ATP10B: variants seen among roughly 807,000 people sequenced by gnomAD.
ATP10B encodes ATPase phospholipid transporting 10B (putative), also known as phospholipid-transporting ATPase VB.
Under a neutral mutation model 141.2 loss-of-function variants are expected in ATP10B, and 122 were observed. The observed-to-expected ratio is 0.86, with a 90% CI of 0.75 to 1.00. The LOEUF (loss-of-function observed/expected upper bound fraction) is 1.00, where lower values mean the gene tolerates loss of function less well. ATP10B is among the 50% of genes least tolerant of loss of function. The probability of loss-of-function intolerance (pLI) is 0.00; values close to 1 mark genes in which losing one functional copy is unlikely to be tolerated. For missense variants in ATP10B, 1,876 were observed against 1,825.3 expected, an observed-to-expected ratio of 1.03 and a Z score of -0.51; for synonymous variants, 685 against 692.0, an observed-to-expected ratio of 0.99 and a Z score of 0.16.
intron 7 of ATP10B, among the ~76,000 whole-genome samples, chr5:160,667,953 G>C (rs1422915766): frequency 6.6e-6 from 1 of 152,138 alleles, no homozygotes; most frequent in East Asian, 1.9e-4. Context: ...GAATAGGCCA[G>C]GCACCGGGGC....
the ATP10B span, among the ~76,000 whole-genome samples, chr5:160,857,263 T>C: frequency 6.0e-3 from 907 of 151,860 alleles, 12 homozygotes; most frequent in African/African-American, 0.021. Context: ...GAAGTATCTA[T>C]TTTGCATTCA....
chr5:160,874,394 C>T, the ATP10B span, among the ~76,000 whole-genome samples: 433 of 152,198 alleles, frequency 2.8e-3, 5 homozygotes, highest in East Asian at 0.034. Context: ...ACATCACCAT[C>T]GTCAAAGACC....
chr5:160,886,453 T>C, the ATP10B span, among the ~76,000 whole-genome samples: 1 of 152,214 alleles, frequency 6.6e-6, no homozygotes, highest in African/African-American at 2.4e-5. Context: ...AGGGGCTATG[T>C]GTGTGTTTGT....
At position 160,620,659 on chromosome 5, in the gene ATP10B, C is replaced by T; in HGVS notation, c.2104G>A (p.Ala702Thr). The change falls in exon 15 of 26, where the codon GCA becomes ACA. Residue 702 changes from alanine (A) to threonine (T), a missense_variant. By Grantham distance (58) the Ala-to-Thr change is moderately conservative (BLOSUM62 0). Coordinates refer to ENST00000327245, the MANE Select transcript of ATP10B (RefSeq NM_025153.3). ...ESGSGTSLEE[A>T]LEAPATDLAR... ...AGGTCTGTGGCTGGGGCCTCCAATG[C>T]CTCCTCCAAGGAAGTGCCTGACCCA... is the stretch of plus-strand genomic sequence containing the variant. 2 of 1,613,342 alleles carry T rather than the reference C, an allele frequency of 1.2e-6. No homozygotes were observed. The highest frequency in any genetic ancestry group is 1.1e-5 in the South Asian group (1 of 91,012).
At chr5:160,845,716 T>C (rs1776078968) in intron 1 of ATP10B, among the ~76,000 whole-genome samples, 1 of 152,212 alleles carries the variant, frequency 6.6e-6, no homozygotes, top group Non-Finnish European at 1.5e-5. Flanking sequence ...TAGTCACTAT[T>C]CTACAATTAT....
chr5:160,637,740 T>C (rs1316275057), intron 10 of ATP10B, among the ~76,000 whole-genome samples: 1 of 152,234 alleles, frequency 6.6e-6, no homozygotes, highest in African/African-American at 2.4e-5. Context: ...TAAAATGCTC[T>C]CAGCTCCAAG....
At chr5:160,871,501 C>A in the ATP10B span, among the ~76,000 whole-genome samples, 2 of 152,034 alleles carry the variant, frequency 1.3e-5, no homozygotes, top group Non-Finnish European at 1.5e-5. Flanking sequence ...TATTTGTAGT[C>A]TTTTATCCCT....
the ATP10B span, among the ~76,000 whole-genome samples, chr5:160,858,208 C>T: frequency 6.6e-6 from 1 of 151,704 alleles, no homozygotes. Context: ...GAGCTTTTGA[C>T]CATTATATAA....
intron 2 of ATP10B, among the ~76,000 whole-genome samples, chr5:160,783,416 GGATATATCCATGGATA>G (rs1272588906): frequency 1.3e-5 from 1 of 78,288 alleles, no homozygotes; most frequent in East Asian, 4.0e-4. Context: ...ATCTATCCAT[GGATATATCCATGGATA>G]GATATATCCA....
At chr5:160,704,117 C>T (rs1764837914) in intron 3 of ATP10B, among the ~76,000 whole-genome samples, 1 of 152,162 alleles carries the variant, frequency 6.6e-6, no homozygotes, top group Admixed American at 6.5e-5. Flanking sequence ...ACTGGGAGTG[C>T]CATGATCATA....
chr5:160,894,330 T>C, the ATP10B span, among the ~76,000 whole-genome samples: 1 of 152,008 alleles, frequency 6.6e-6, no homozygotes, highest in Non-Finnish European at 1.5e-5. Flanking sequence ...AATTGCTAAC[T>C]AGAATAACCA....
intron 1 of ATP10B, among the ~76,000 whole-genome samples, chr5:160,842,144 G>T (rs1450660666): frequency 6.6e-6 from 1 of 152,114 alleles, no homozygotes; most frequent in South Asian, 2.1e-4. Flanking sequence ...GACCATAATA[G>T]ATATAAGCTA....
chr5:160,796,202 C>T (rs1012564503), intron 1 of ATP10B, among the ~76,000 whole-genome samples: 5 of 152,170 alleles, frequency 3.3e-5, no homozygotes, highest in African/African-American at 7.2e-5. Context: ...CCATGGCCAC[C>T]GCTACTTCTC....
At chr5:160,919,633 G>A in the ATP10B span, among the ~76,000 whole-genome samples, 1 of 152,176 alleles carries the variant, frequency 6.6e-6, no homozygotes, top group African/African-American at 2.4e-5. Context: ...TGTGGAAGGA[G>A]GATATCTATT....
At chr5:160,569,796 C>CA in intron 24 of ATP10B, 113 bp from the exon 25 acceptor site, 3 of 853,080 alleles carry the variant, frequency 3.5e-6, no homozygotes, top group Non-Finnish European at 5.2e-6. Flanking sequence ...GCAAAACACA[C>CA]AAAATTCAAA....
intron 1 of ATP10B, among the ~76,000 whole-genome samples, chr5:160,791,997 G>A (rs1404646544): frequency 6.6e-6 from 1 of 152,058 alleles, no homozygotes; most frequent in African/African-American, 2.4e-5. Flanking sequence ...CCTCTTTACA[G>A]TCCTTTCTCC....
At chr5:160,652,894 T>C (rs1334278233) in intron 7 of ATP10B, among the ~76,000 whole-genome samples, 862 of 66,308 alleles carry the variant, frequency 0.013, 109 homozygotes, top group African/African-American at 0.058. Flanking sequence ...TATAATTATA[T>C]AATATATTAT....
intron 1 of ATP10B, among the ~76,000 whole-genome samples, chr5:160,809,629 G>T (rs184181510): frequency 1.5e-4 from 23 of 152,204 alleles, no homozygotes; most frequent in African/African-American, 5.5e-4. Context: ...ATAGAATATT[G>T]AAACTTATTC....
chr5:160,757,409 T>G (rs1301689187), intron 2 of ATP10B, among the ~76,000 whole-genome samples: 1 of 152,208 alleles, frequency 6.6e-6, no homozygotes, highest in Non-Finnish European at 1.5e-5. Context: ...GAGAAGATAA[T>G]TCATACAAGG....
Sources: allele counts gnomAD v4.1 joint callset (sites outside exome capture counted in the v4.1 genomes callset), GRCh38; gene constraint gnomAD v4.1.1; transcripts MANE v1.5; gene names NCBI Gene and HGNC (gene_info 2026-07-23, HGNC 2026-07-21).